CTNNA3: variants seen among roughly 807,000 people sequenced by gnomAD.
CTNNA3 encodes catenin alpha-3.
Under a neutral mutation model 95.7 loss-of-function variants are expected in CTNNA3, and 76 were observed. The ratio of observed to expected loss-of-function variants is 0.79; its 90% CI spans 0.66 to 0.96. The LOEUF (loss-of-function observed/expected upper bound fraction) is 0.96. CTNNA3 is among the 40% of genes least tolerant of loss of function. CTNNA3 has a pLI of 0.00. For synonymous variants in CTNNA3, 431 were observed against 374.4 expected (o/e 1.15, Z -1.74); for missense variants, 1,191 against 1,089.8 (o/e 1.09, Z -1.31).
At chr10:66,558,270 C>T (rs1411778009) in intron 10 of CTNNA3, among the ~76,000 whole-genome samples, 1 of 152,110 alleles carries the variant, frequency 6.6e-6, no homozygotes, top group Non-Finnish European at 1.5e-5. Context: ...CGGTTGCCAA[C>T]TCCAATCTTT....
intron 13 of CTNNA3, among the ~76,000 whole-genome samples, chr10:66,224,074 G>T (rs1162380589): frequency 6.6e-6 from 1 of 152,038 alleles, no homozygotes; most frequent in East Asian, 1.9e-4. Flanking sequence ...CAAGAAAGGG[G>T]AAATTCACTA....
chr10:66,735,296 A>G (rs1366117931), intron 9 of CTNNA3, among the ~76,000 whole-genome samples: 1 of 151,906 alleles, frequency 6.6e-6, no homozygotes. Flanking sequence ...AACAAATTCT[A>G]TAGCATAGGA....
intron 11 of CTNNA3, among the ~76,000 whole-genome samples, chr10:66,409,445 G>A (rs1031204145): frequency 6.6e-6 from 1 of 152,026 alleles, no homozygotes; most frequent in Non-Finnish European, 1.5e-5. Context: ...AGATGAACTT[G>A]GGAATCTTCT....
chr10:65,959,164 G>T (rs1322138074), intron 17 of CTNNA3, among the ~76,000 whole-genome samples: 1 of 152,192 alleles, frequency 6.6e-6, no homozygotes, highest in South Asian at 2.1e-4. Flanking sequence ...CAGTGAGTGA[G>T]GCTCTGTGGG....
intron 10 of CTNNA3, among the ~76,000 whole-genome samples, chr10:66,590,634 A>G (rs886095842): frequency 6.6e-6 from 1 of 152,128 alleles, no homozygotes; most frequent in African/African-American, 2.4e-5. Context: ...AATTTCATTT[A>G]TTAAAATTGC....
At chr10:67,216,214 A>C (rs760199009) in intron 6 of CTNNA3, among the ~76,000 whole-genome samples, 6 of 152,168 alleles carry the variant, frequency 3.9e-5, no homozygotes, top group Non-Finnish European at 7.4e-5. Context: ...ACCCTTAGTA[A>C]AAGACAGAGT....
chr10:65,983,982 C>A (rs1463608917), intron 16 of CTNNA3, among the ~76,000 whole-genome samples: 4 of 151,106 alleles, frequency 2.6e-5, no homozygotes, highest in African/African-American at 9.7e-5. Context: ...TGAAACTTTA[C>A]AGAATGTAAC....
chr10:67,691,801 G>A (rs2133589772), intron 1 of CTNNA3, among the ~76,000 whole-genome samples: 1 of 149,868 alleles, frequency 6.7e-6, no homozygotes, highest in Non-Finnish European at 1.5e-5. Flanking sequence ...CCCCGTCCAG[G>A]AGGTGAGGGG....
Position 66,217,089 on chromosome 10 carries a change from C to T in CTNNA3, c.1884+63381G>A, listed in dbSNP as rs539570807. Among the ~76,000 whole-genome samples the T allele has an allele frequency of 1.7e-3, 257 of 152,264 alleles. 1 individual carries two copies. The highest frequency in any genetic ancestry group is 2.9e-3 in the Non-Finnish European group (197 of 68,020). On this transcript the variant is annotated intron_variant, in intron 13 of 17. Coordinates refer to ENST00000433211, the MANE Select transcript of CTNNA3 (RefSeq NM_013266.4). ...GGAGTCATACAGCCGGGCGCGTTGG[C>T]TCACGCCTGTAATCCCAGCACTTTG...
chr10:66,624,435 A>T (rs1844861583), intron 9 of CTNNA3, among the ~76,000 whole-genome samples: 1 of 152,126 alleles, frequency 6.6e-6, no homozygotes, highest in South Asian at 2.1e-4. Flanking sequence ...ATACTCTCAG[A>T]GGTTTTGTAG....
chr10:67,158,974 A>T (rs1033198727), intron 7 of CTNNA3, among the ~76,000 whole-genome samples: 4 of 151,764 alleles, frequency 2.6e-5, no homozygotes, highest in African/African-American at 4.8e-5. Context: ...ACCTGTTTTT[A>T]AAAAAAACAA....
chr10:65,977,713 C>T (rs1243408337), intron 16 of CTNNA3, among the ~76,000 whole-genome samples: 2 of 151,770 alleles, frequency 1.3e-5, no homozygotes, highest in African/African-American at 2.4e-5. Context: ...ACCTGGGAGG[C>T]GGAGGTGCAG....
intron 5 of CTNNA3, among the ~76,000 whole-genome samples, chr10:67,412,279 T>C (rs1209097050): frequency 1.3e-5 from 2 of 152,164 alleles, no homozygotes; most frequent in Non-Finnish European, 2.9e-5. Context: ...TCTTGTTTCA[T>C]GCATTCATTA....
chr10:66,215,738 G>A (rs1322105462), intron 13 of CTNNA3, among the ~76,000 whole-genome samples: 2 of 152,108 alleles, frequency 1.3e-5, no homozygotes, highest in Non-Finnish European at 2.9e-5. Flanking sequence ...GGAAGGAGGA[G>A]TGGAGTTTAG....
intron 15 of CTNNA3, among the ~76,000 whole-genome samples, chr10:66,042,235 A>G (rs997070536): frequency 2.6e-5 from 4 of 152,174 alleles, no homozygotes; most frequent in African/African-American, 9.7e-5. Context: ...CAGGGCTTCT[A>G]TAAAACTGCA....
intron 1 of CTNNA3, among the ~76,000 whole-genome samples, chr10:67,706,533 AG>A (rs1841079812): frequency 6.6e-6 from 1 of 152,138 alleles, no homozygotes; most frequent in African/African-American, 2.4e-5. Context: ...AAGATACCAG[AG>A]CAGAAGTGAT....
chr10:67,210,845 C>T (rs1864111286), intron 6 of CTNNA3, among the ~76,000 whole-genome samples: 1 of 151,972 alleles, frequency 6.6e-6, no homozygotes. Context: ...TTACACAATC[C>T]CTTCATCAGC....
intron 7 of CTNNA3, among the ~76,000 whole-genome samples, chr10:66,803,959 TG>T (rs1172345274): frequency 1.3e-4 from 19 of 149,208 alleles, no homozygotes; most frequent in South Asian, 2.1e-4. Context: ...AGATGCCAGT[TG>T]TTTTTTTTTT....
At chr10:66,309,736 GATAGGGAA>G (rs2091984558) in intron 12 of CTNNA3, among the ~76,000 whole-genome samples, 1 of 109,912 alleles carries the variant, frequency 9.1e-6, no homozygotes, top group Non-Finnish European at 1.9e-5. Flanking sequence ...ACCTTATATA[GATAGGGAA>G]ATAGGGAAAT....
Sources: gnomAD v4.1 joint callset for allele counts (sites outside exome capture counted in the v4.1 genomes callset) on GRCh38, gnomAD v4.1.1 for gene constraint, MANE v1.5 for transcripts, NCBI Gene and HGNC (gene_info 2026-07-23, HGNC 2026-07-21) for gene names.